The following RUFY3 variants were observed in gnomAD, a reference collection of about 807,000 sequenced individuals.
RUFY3 encodes RUN and FYVE domain containing 3.
In RUFY3, 34 loss-of-function variants were observed where a neutral mutation model predicts 84.0. The observed-to-expected ratio is 0.40, with a 90% CI of 0.31 to 0.54. RUFY3 has a LOEUF of 0.54. Among genes scored for constraint, RUFY3 ranks in the 20% least tolerant of loss-of-function variants. The pLI is 0.39. For missense variants in RUFY3, 507 were observed against 736.8 expected, an observed-to-expected ratio of 0.69 and a Z score of 3.61; for synonymous variants, 242 against 252.9, an observed-to-expected ratio of 0.96 and a Z score of 0.41.
At chr4:70,717,299 A>G (rs2148573924), upstream of RUFY3, among the ~76,000 whole-genome samples, 1 of 152,304 alleles carries the variant, frequency 6.6e-6, no homozygotes, top group Admixed American at 6.5e-5. Context: ...ATGTGGAGGG[A>G]ACTCAGAGAC....
intron 4 of RUFY3, 116 bp downstream of exon 4, chr4:70,764,692 C>A (rs1438728702): frequency 1.8e-5 from 11 of 616,262 alleles, no homozygotes. Flanking sequence ...ATAACAGCTT[C>A]ACTGATACTT....
rs1354983017 is a variant in RUFY3 at position 70,793,870 on chromosome 4, C to T, written c.1423C>T (p.Leu475=). Residue 475 remains leucine (L), a synonymous_variant, in exon 13 of 18, where the codon CTG becomes TTG. Coordinates refer to ENST00000381006, the MANE Select transcript of RUFY3 (RefSeq NM_001037442.4). ...GGACTTTGGAGACAAGATCAACAGT[C>T]TGCAGCTGGAAGTCGAGGAGCTCAC... ...KQDFGDKINS[L]QLEVEELTRQ... 6.2e-7 allele frequency: 1 copy of T among 1,614,090 alleles called. No homozygotes were observed. Among genetic ancestry groups the T allele is most frequent in the South Asian group, 1.1e-5 (1 of 91,076 alleles).
chr4:70,734,250 C>T (rs1379022115), intron 1 of RUFY3: 1 of 267,748 alleles, frequency 3.7e-6, no homozygotes, highest in Non-Finnish European at 5.7e-6. Flanking sequence ...TATTCCTTTC[C>T]TAAGTGTTTG....
At chr4:70,782,981 C>G in intron 8 of RUFY3, 110 bp from the exon 9 acceptor site, 2 of 658,478 alleles carry the variant, frequency 3.0e-6, no homozygotes, top group Admixed American at 6.1e-5. Context: ...AGCTTCCTTG[C>G]TTTCTAAGAA....
chr4:70,755,145 C>T (rs1029931946), intron 1 of RUFY3, among the ~76,000 whole-genome samples: 1 of 152,098 alleles, frequency 6.6e-6, no homozygotes, highest in East Asian at 1.9e-4. Context: ...CTCAGATGAT[C>T]CTCCCTGAGC....
chr4:70,790,765 T>G (rs1419642748), intron 12 of RUFY3, among the ~76,000 whole-genome samples: 2 of 152,222 alleles, frequency 1.3e-5, no homozygotes, highest in African/African-American at 4.8e-5. Flanking sequence ...GTGCCTTGAA[T>G]ATACAAGCAT....
At chr4:70,782,678 C>T (rs1055948401) in intron 8 of RUFY3, among the ~76,000 whole-genome samples, 3 of 151,962 alleles carry the variant, frequency 2.0e-5, no homozygotes, top group South Asian at 4.2e-4. Flanking sequence ...TTTGGGAGGC[C>T]GAGGTGGGCA....
intron 15 of RUFY3, among the ~76,000 whole-genome samples, chr4:70,801,140 T>A (rs1732173982): frequency 6.9e-6 from 1 of 144,504 alleles, no homozygotes; most frequent in Non-Finnish European, 1.5e-5. Flanking sequence ...CATGACATTC[T>A]GGAAAAGACA....
upstream of RUFY3, among the ~76,000 whole-genome samples, chr4:70,720,201 G>A (rs547812506): frequency 4.9e-4 from 75 of 152,060 alleles, 1 homozygote; most frequent in African/African-American, 1.5e-3. Flanking sequence ...ACATGTGCGC[G>A]CAACCATACC....
At chr4:70,800,561 G>A (rs1376198619) in intron 15 of RUFY3, among the ~76,000 whole-genome samples, 1 of 152,148 alleles carries the variant, frequency 6.6e-6, no homozygotes, top group Non-Finnish European at 1.5e-5. Flanking sequence ...ATATATTTGA[G>A]TATGACTTGT....
chr4:70,794,638 A>C, intron 13 of RUFY3, 157 bp from the exon 14 acceptor site: 1 of 640,436 alleles, frequency 1.6e-6, no homozygotes, highest in Non-Finnish European at 2.8e-6. Flanking sequence ...TTAAGCTTAG[A>C]AGTAGCAACA....
At chr4:70,707,586 C>T (rs1022054355) in intron 1 of RUFY3, among the ~76,000 whole-genome samples, 1 of 151,836 alleles carries the variant, frequency 6.6e-6, no homozygotes, top group African/African-American at 2.4e-5. Flanking sequence ...CTAATATTTC[C>T]TCATGGTCTT....
At chr4:70,756,587 C>T (rs577402392) in intron 1 of RUFY3, among the ~76,000 whole-genome samples, 28 of 152,250 alleles carry the variant, frequency 1.8e-4, no homozygotes. Flanking sequence ...CCATCCTGTT[C>T]CCTTCACATC....
At chr4:70,799,157 AAAAAGAG>A (rs1255386952) in intron 14 of RUFY3, among the ~76,000 whole-genome samples, 1 of 151,912 alleles carries the variant, frequency 6.6e-6, no homozygotes, top group African/African-American at 2.4e-5. Flanking sequence ...AAAAAAAAAA[AAAAAGAG>A]AAAAGAAAAA....
At chr4:70,775,514 C>T (rs1476510926) in intron 7 of RUFY3, among the ~76,000 whole-genome samples, 1 of 151,794 alleles carries the variant, frequency 6.6e-6, no homozygotes, top group Admixed American at 6.6e-5. Context: ...TAGATAAATA[C>T]GTAAATACAT....
intron 1 of RUFY3, among the ~76,000 whole-genome samples, chr4:70,742,597 C>A (rs568918269): frequency 6.6e-6 from 1 of 152,358 alleles, no homozygotes; most frequent in South Asian, 2.1e-4. Flanking sequence ...TCACTTGCTG[C>A]TGCAGAACTT....
intron 1 of RUFY3, among the ~76,000 whole-genome samples, chr4:70,746,000 A>T (rs1722145486): frequency 6.6e-6 from 1 of 152,164 alleles, no homozygotes; most frequent in South Asian, 2.1e-4. Flanking sequence ...AGATCACGCC[A>T]CTGCACTCCA....
intron 1 of RUFY3, among the ~76,000 whole-genome samples, chr4:70,713,215 G>T (rs1235570415): frequency 6.6e-6 from 1 of 152,146 alleles, no homozygotes; most frequent in Admixed American, 6.5e-5. Context: ...TAGAGACGGG[G>T]TTTTGCCATG....
chr4:70,723,262 CA>C (rs1577945958), intron 1 of RUFY3, among the ~76,000 whole-genome samples: 2 of 152,206 alleles, frequency 1.3e-5, no homozygotes, highest in South Asian at 2.1e-4. Flanking sequence ...TTTGATAAAA[CA>C]TTTTTTTAAC....
Sources: gnomAD v4.1 joint callset for allele counts (sites outside exome capture counted in the v4.1 genomes callset) on GRCh38, gnomAD v4.1.1 for gene constraint, MANE v1.5 for transcripts, NCBI Gene and HGNC (gene_info 2026-07-23, HGNC 2026-07-21) for gene names.